The following NBR1 variants were observed in gnomAD, a reference collection of about 807,000 sequenced individuals.
The protein encoded by NBR1 is NBR1 autophagy cargo receptor.
A neutral mutation model predicts 115.5 loss-of-function variants in NBR1; 59 were observed. The observed-to-expected ratio is 0.51, with a 90% CI of 0.41 to 0.63. The LOEUF is 0.63. Among genes scored for constraint, NBR1 ranks in the 30% least tolerant of loss-of-function variants. NBR1 has a pLI of 0.00. For synonymous variants in NBR1, 373 were observed against 414.7 expected, an observed-to-expected ratio of 0.90 and a Z score of 1.22; for missense variants, 1,043 against 1,150.5, an observed-to-expected ratio of 0.91 and a Z score of 1.35.
At chr17:43,193,972 C>T (rs1374790986) in intron 12 of NBR1, among the ~76,000 whole-genome samples, 2 of 152,186 alleles carry the variant, frequency 1.3e-5, no homozygotes, top group African/African-American at 4.8e-5. Context: ...CCTTAACATC[C>T]ATCTCTCCTG....
In NBR1 at chr17:43,200,403, C is replaced by T; in HGVS notation, c.2263C>T (p.Leu755Phe). The T allele has an allele frequency of 6.2e-7, 1 of 1,602,140 alleles. No individual in the cohort carries two copies. Among genetic ancestry groups the T allele is most frequent in the East Asian group, 2.3e-5 (1 of 44,356 alleles). The change falls in exon 17 of 21, where the codon CTC becomes TTC. Residue 755 changes from leucine (L) to phenylalanine (F), a missense_variant. Coordinates refer to ENST00000590996, the MANE Select transcript of NBR1 (RefSeq NM_005899.5). ...PLGDSMYSSA[L>F]SQPGLERGAE... ...GGGGGATTCTATGTACAGCTCTGCG[C>T]TCTCACAGCCAGGCCTGGAGCGAGG...
intron 20 of NBR1, 40 bp downstream of exon 20, chr17:43,203,826 T>C (rs1165977274): frequency 6.3e-6 from 8 of 1,268,604 alleles, no homozygotes; most frequent in Admixed American, 6.3e-5. Flanking sequence ...CTCAACTCCA[T>C]GTCACCAGTG....
intron 20 of NBR1, among the ~76,000 whole-genome samples, chr17:43,204,985 CA>C (rs2057286550): frequency 6.6e-6 from 1 of 151,732 alleles, no homozygotes; most frequent in Non-Finnish European, 1.5e-5. Context: ...CAAAAAACAA[CA>C]ACAAAAAAGA....
At chr17:43,176,867 TC>T (rs962558652) in intron 2 of NBR1, among the ~76,000 whole-genome samples, 15 of 151,020 alleles carry the variant, frequency 9.9e-5, no homozygotes, top group East Asian at 3.9e-4. Flanking sequence ...CCCTCCATTC[TC>T]CCCCCCCTCA....
intron 20 of NBR1, among the ~76,000 whole-genome samples, chr17:43,208,786 G>A (rs1389136720): frequency 1.3e-5 from 2 of 152,052 alleles, no homozygotes; most frequent in African/African-American, 4.8e-5. Context: ...GGCAACATAG[G>A]GAAACCTCAT....
In NBR1 at chr17:43,189,776, G is replaced by T. The variant is rs1451774842; in HGVS notation, c.669G>T (p.Arg223Ser). Residue 223 changes from arginine (R) to serine (S), a missense_variant, in exon 8 of 21, where the codon AGG becomes AGT. Coordinates refer to ENST00000590996, the MANE Select transcript of NBR1 (RefSeq NM_005899.5). Reference protein sequence around the residue: ...WHIACNNCQRRIVGVRYQCSL... With the variant: ...WHIACNNCQRSIVGVRYQCSL... ...TTGCTTGCAACAACTGCCAAAGAAG[G>T]ATTGTTGGTGTCCGCTACCAGTGTA... The T allele has an allele frequency of 6.2e-7, 1 of 1,613,866 alleles. No homozygotes were observed. Among genetic ancestry groups the T allele is most frequent in the Middle Eastern group, 1.6e-4 (1 of 6,062 alleles).
chr17:43,185,842 C>A (rs1445504059), intron 5 of NBR1, among the ~76,000 whole-genome samples: 4 of 151,896 alleles, frequency 2.6e-5, no homozygotes, highest in Non-Finnish European at 5.9e-5. Flanking sequence ...ACTACAAATA[C>A]AAAAATTAGC....
At position 43,193,096 on chromosome 17, in the gene NBR1, T is replaced by A; in HGVS notation, c.1076T>A (p.Leu359His). The A allele has an allele frequency of 6.2e-7, 1 of 1,613,282 alleles. No homozygotes were observed. The highest frequency in any genetic ancestry group is 8.5e-7 in the Non-Finnish European group (1 of 1,179,522). Residue 359 changes from leucine to histidine, a missense_variant and splice_region_variant, in exon 11 of 21, where the codon CTC (leucine) becomes CAC (histidine). Physicochemically the swap from Leu to His is moderately conservative, Grantham distance 99. Transcript: ENST00000590996. ...TAAGCATCTGAATTTCTGTTCAGGC[T>A]CCCTTTGCAGCCCTGTACCTCCGTT... ...ESLLQSNTLMLPLQPCTSVMP... is the reference protein window; with the variant it reads ...ESLLQSNTLMHPLQPCTSVMP...
At position 43,197,044 on chromosome 17, in the gene NBR1, G is replaced by A. The variant is rs1026350245; in HGVS notation, c.1964G>A (p.Arg655Gln). Residue 655 changes from arginine to glutamine, a missense_variant, in exon 16 of 21, where the codon CGA (arginine) becomes CAA (glutamine). Coordinates refer to ENST00000590996, the MANE Select transcript of NBR1 (RefSeq NM_005899.5). ...GTQFVCETVI[R>Q]SLTLDAAPDH... ...CAGTTTGTGTGTGAGACAGTAATCCGATCCCTTACCTTGGATGCTGCCCCA... is the reference window on the plus strand; with the variant it reads ...CAGTTTGTGTGTGAGACAGTAATCCAATCCCTTACCTTGGATGCTGCCCCA... 14 of 1,613,868 alleles carry A rather than the reference G, an allele frequency of 8.7e-6. No individual in the cohort carries two copies. The African/African-American group carries it at 1.3e-4, about 15-fold the overall frequency.
At chr17:43,175,383 A>G (rs1209228806) in intron 1 of NBR1, among the ~76,000 whole-genome samples, 2 of 152,176 alleles carry the variant, frequency 1.3e-5, no homozygotes, top group Non-Finnish European at 2.9e-5. Flanking sequence ...TGCTACTAGT[A>G]AGTATTTGTT....
At chr17:43,209,789 G>A in intron 20 of NBR1, 112 bp from the exon 21 acceptor site, 1 of 1,463,934 alleles carries the variant, frequency 6.8e-7, no homozygotes, top group South Asian at 1.5e-5. Flanking sequence ...CTAGTACTTT[G>A]AATAAATCTG....
rs1296696859 is a variant in NBR1, at chr17:43,210,626, A to G, written c.*552A>G. 12 of 398,416 alleles carry G rather than the reference A, an allele frequency of 3.0e-5. No homozygotes were observed. The highest frequency in any genetic ancestry group is 4.4e-6 in the Non-Finnish European group (1 of 226,056). The allele number at this position is 398,416 out of a possible 1,614,324, so 24.7% of individuals were successfully genotyped here. A position where few individuals can be genotyped will look rare whatever the true frequency, so the allele number is the denominator to read the frequency against. On this transcript the variant is annotated 3_prime_UTR_variant, in exon 21 of 21. Coordinates refer to ENST00000590996, the MANE Select transcript of NBR1 (RefSeq NM_005899.5). ...TCAAGGAGAAAGTAATTTTCCTGCA[A>G]TACTTAATAATTGGCACCGTTGCTT...
chr17:43,180,738 T>C, intron 4 of NBR1, 57 bp from the exon 5 acceptor site: 1 of 1,380,380 alleles, frequency 7.2e-7, no homozygotes, highest in East Asian at 3.0e-5. Context: ...TTTAAAATAA[T>C]AGAATCTTTT....
At chr17:43,189,439 T>A in intron 7 of NBR1, 149 bp from the exon 8 acceptor site, 1 of 627,608 alleles carries the variant, frequency 1.6e-6, no homozygotes, top group South Asian at 2.0e-5. Flanking sequence ...AATAGACCTT[T>A]TGCTATGTTT....
chr17:43,184,383 T>TTTTTTTTTTTTTTTTTAG (rs2056751123), intron 5 of NBR1, among the ~76,000 whole-genome samples: 2 of 145,774 alleles, frequency 1.4e-5, no homozygotes, highest in Non-Finnish European at 1.5e-5. Flanking sequence ...TTTTTTTTTT[T>TTTTTTTTTTTTTTTTTAG]GAGACAGAGT....
At chr17:43,175,505 C>T (rs1436177198) in intron 1 of NBR1, among the ~76,000 whole-genome samples, 1 of 152,194 alleles carries the variant, frequency 6.6e-6, no homozygotes, top group African/African-American at 2.4e-5. Context: ...CCACATGTTT[C>T]CAACATGTGG....
At chr17:43,193,779 C>CT in intron 12 of NBR1, 141 bp downstream of exon 12, 1 of 882,208 alleles carries the variant, frequency 1.1e-6, no homozygotes, top group Non-Finnish European at 1.7e-6. Context: ...CCCAACACAT[C>CT]TCTATGCTGA....
At chr17:43,204,274 G>A (rs1403366359) in intron 20 of NBR1, among the ~76,000 whole-genome samples, 3 of 151,984 alleles carry the variant, frequency 2.0e-5, no homozygotes, top group Non-Finnish European at 2.9e-5. Flanking sequence ...CTTTAGCCAA[G>A]TTACTTAAGG....
intron 14 of NBR1, 62 bp downstream of exon 14, chr17:43,195,101 T>G (rs2057036946): frequency 2.1e-5 from 26 of 1,242,952 alleles, no homozygotes; most frequent in Non-Finnish European, 2.8e-5. Context: ...TACCACAGCC[T>G]AGACACTGGT....
Sources: gnomAD v4.1 joint callset for allele counts (sites outside exome capture counted in the v4.1 genomes callset) on GRCh38, gnomAD v4.1.1 for gene constraint, MANE v1.5 for transcripts, NCBI Gene and HGNC (gene_info 2026-07-23, HGNC 2026-07-21) for gene names.